The following CHRNA7 variants were observed in gnomAD, a reference collection of about 807,000 sequenced individuals.
The protein encoded by CHRNA7 is cholinergic receptor nicotinic alpha 7 subunit, also known as neuronal acetylcholine receptor subunit alpha-7.
In CHRNA7, 17 loss-of-function variants were observed where a neutral mutation model predicts 48.0. That is an observed-to-expected ratio of 0.35 (90% CI 0.24 to 0.53). The LOEUF (loss-of-function observed/expected upper bound fraction) is 0.53, where lower values mean the gene tolerates loss of function less well. Among genes scored for constraint, CHRNA7 ranks in the 20% least tolerant of loss-of-function variants. The pLI, the probability that CHRNA7 is intolerant of heterozygous loss-of-function variation, is 0.92. For missense variants in CHRNA7, 155 were observed against 577.7 expected, an observed-to-expected ratio of 0.27 and a Z score of 7.50; for synonymous variants, 75 against 242.3, an observed-to-expected ratio of 0.31 and a Z score of 6.41.
chr15:32,078,408 T>C (rs933591991), intron 2 of CHRNA7, among the ~76,000 whole-genome samples: 2 of 152,182 alleles, frequency 1.3e-5, no homozygotes, highest in Non-Finnish European at 2.9e-5. Context: ...GATGTAAGGT[T>C]GTATCTACAT....
intron 2 of CHRNA7, among the ~76,000 whole-genome samples, chr15:32,062,197 A>G (rs1485057702): frequency 6.6e-6 from 1 of 152,214 alleles, no homozygotes; most frequent in Non-Finnish European, 1.5e-5. Flanking sequence ...GGAGAACCTC[A>G]CAATACTGAA....
Position 32,092,274 on chromosome 15 carries a change from G to A in CHRNA7, c.196-9029G>A, listed in dbSNP as rs565407356. ...GTTCTCAGTTTATTTGTTTAGCTCT[G>A]CAATGTTCCTTTTATTCTGTTATTT... On this transcript the variant is annotated intron_variant, in intron 2 of 9. Transcript: ENST00000306901. Among the ~76,000 whole-genome samples, 5 of 152,220 alleles carry A rather than the reference G, an allele frequency of 3.3e-5. No individual in the cohort carries two copies. In the South Asian group the frequency reaches 1.0e-3, roughly 32 times the overall value.
chr15:32,035,293 A>G (rs1391709940), intron 2 of CHRNA7, among the ~76,000 whole-genome samples: 1 of 152,174 alleles, frequency 6.6e-6, no homozygotes, highest in East Asian at 1.9e-4. Flanking sequence ...CAGTCACCTG[A>G]GCACATGCAT....
At chr15:32,074,776 T>C (rs1174618218) in intron 2 of CHRNA7, among the ~76,000 whole-genome samples, 2 of 151,748 alleles carry the variant, frequency 1.3e-5, no homozygotes, top group Non-Finnish European at 2.9e-5. Context: ...GGCTCCCGAG[T>C]AGTTGGGATT....
In CHRNA7 at chr15:32,030,879, C is replaced by T. The variant is rs199789967; in HGVS notation, c.56-19C>T. Reference sequence around the variant, plus strand: ...GCCGGCCTGCCCTGAGCCCCCTGCCCGGGTCTTCTCTCCTTAAGTGTCCCT... The same window carrying T: ...GCCGGCCTGCCCTGAGCCCCCTGCCTGGGTCTTCTCTCCTTAAGTGTCCCT... On this transcript the variant is annotated intron_variant, in intron 1 of 9. Coordinates refer to ENST00000306901, the MANE Select transcript of CHRNA7 (RefSeq NM_000746.6). 52 of 1,611,968 alleles carry T rather than the reference C, an allele frequency of 3.2e-5. No homozygotes were observed. The highest frequency in any genetic ancestry group is 1.6e-4 in the Middle Eastern group (1 of 6,074).
chr15:32,113,778 C>T (rs917701780), intron 4 of CHRNA7, among the ~76,000 whole-genome samples: 4 of 151,860 alleles, frequency 2.6e-5, no homozygotes, highest in Non-Finnish European at 5.9e-5. Flanking sequence ...TTTTCCAATT[C>T]GGATTTTTTA....
chr15:32,148,275 G>A (rs1411846733), intron 4 of CHRNA7, among the ~76,000 whole-genome samples: 2 of 152,064 alleles, frequency 1.3e-5, no homozygotes, highest in African/African-American at 4.8e-5. Flanking sequence ...TGCCCTATTG[G>A]GAGTTGGTCT....
At chr15:32,106,648 C>G (rs968655430) in intron 3 of CHRNA7, among the ~76,000 whole-genome samples, 4 of 152,168 alleles carry the variant, frequency 2.6e-5, no homozygotes, top group Non-Finnish European at 5.9e-5. Context: ...AAAAAAATGA[C>G]AGAAGCCATT....
At chr15:32,156,559 T>C (rs1321335516) in intron 5 of CHRNA7, 1 of 32,204 alleles carries the variant, frequency 3.1e-5, no homozygotes, top group East Asian at 5.8e-4. Flanking sequence ...GCAGCCTTCC[T>C]CTGGGCAGGG....
At chr15:32,043,522 T>C (rs1308201292) in intron 2 of CHRNA7, among the ~76,000 whole-genome samples, 2 of 152,142 alleles carry the variant, frequency 1.3e-5, no homozygotes, top group Non-Finnish European at 2.9e-5. Context: ...GTCATATTTC[T>C]TTCTTTTTGT....
At position 32,047,480 on chromosome 15, in the gene CHRNA7, A is replaced by G. The variant is rs547476096; in HGVS notation, c.195+16443A>G. ...TGATTTGGCTCTCTGTTTGTCTGTT[A>G]TTGGTGTATAAGAATGCTTGTGATT... is the stretch of plus-strand genomic sequence containing the variant. On this transcript the variant is annotated intron_variant, in intron 2 of 9. Transcript: ENST00000306901. Among the ~76,000 whole-genome samples, 257 of 152,054 alleles carry G rather than the reference A, an allele frequency of 1.7e-3. 3 individuals are homozygous for G. Among genetic ancestry groups the G allele is most frequent in the South Asian group, 0.01 (49 of 4,802 alleles).
At chr15:32,114,075 T>TATAC (rs1355610927) in intron 4 of CHRNA7, among the ~76,000 whole-genome samples, 34 of 113,126 alleles carry the variant, frequency 3.0e-4, no homozygotes, top group South Asian at 2.7e-3. Context: ...TATATATATA[T>TATAC]ACACATACAT....
chr15:32,104,967 A>G (rs2050638218), intron 3 of CHRNA7, among the ~76,000 whole-genome samples: 1 of 152,200 alleles, frequency 6.6e-6, no homozygotes, highest in Non-Finnish European at 1.5e-5. Context: ...GTCTTCAGCA[A>G]TGTATATGAT....
At chr15:32,124,801 T>C (rs917128764) in intron 4 of CHRNA7, among the ~76,000 whole-genome samples, 1 of 151,456 alleles carries the variant, frequency 6.6e-6, no homozygotes, top group South Asian at 2.1e-4. Context: ...AAAGGTGGAG[T>C]TTCATGAATG....
At chr15:32,076,854 A>AT (rs1238726680) in intron 2 of CHRNA7, among the ~76,000 whole-genome samples, 2 of 152,198 alleles carry the variant, frequency 1.3e-5, no homozygotes, top group Non-Finnish European at 2.9e-5. Context: ...GGGTAAATGT[A>AT]TAATGACCTG....
rs1490268734 is a variant in CHRNA7, at chr15:32,149,345, G to A, written c.351-4562G>A. ...AGCACTGGTGAGGGGGTCACTGTTG[G>A]CTGGCATCTGTCGGGCATCCCCGGG... On this transcript the variant is annotated intron_variant, in intron 4 of 9. Transcript: ENST00000306901. This position sits in a 1 kb window ranked among gnomAD's most constrained non-coding sequence, Gnocchi z 4.6. Among the ~76,000 whole-genome samples, 1 of 152,176 alleles carries A rather than the reference G, an allele frequency of 6.6e-6. No homozygotes were observed. Among genetic ancestry groups the A allele is most frequent in the Non-Finnish European group, 1.5e-5 (1 of 68,038 alleles).
At chr15:32,092,340 A>T (rs763125257) in intron 2 of CHRNA7, among the ~76,000 whole-genome samples, 1 of 152,184 alleles carries the variant, frequency 6.6e-6, no homozygotes, top group African/African-American at 2.4e-5. Context: ...TTGATCCAAG[A>T]CTTATATAGT....
At chr15:32,075,742 G>A (rs2050126938) in intron 2 of CHRNA7, among the ~76,000 whole-genome samples, 1 of 151,066 alleles carries the variant, frequency 6.6e-6, no homozygotes, top group African/African-American at 2.4e-5. Flanking sequence ...TTGCTCTCTG[G>A]GAAATTTTTT....
intron 2 of CHRNA7, among the ~76,000 whole-genome samples, chr15:32,091,058 ATTTTGTAAAGCTCTTAC>A (rs1386868081): frequency 6.6e-6 from 1 of 151,998 alleles, no homozygotes; most frequent in African/African-American, 2.4e-5. Context: ...TAAATTTTTC[ATTTTGTAAAGCTCTTAC>A]TTTTGTTTTC....
Sources: gnomAD v4.1 joint callset for allele counts (sites outside exome capture counted in the v4.1 genomes callset) on GRCh38, gnomAD v4.1.1 for gene constraint, Gnocchi (gnomAD v3.1) non-coding constraint, MANE v1.5 for transcripts, NCBI Gene and HGNC (gene_info 2026-07-23, HGNC 2026-07-21) for gene names.